Variants in AGBL4 observed in about 807,000 individuals in gnomAD.
AGBL4 encodes the protein cytosolic carboxypeptidase 6.
AGBL4 carries 58 observed loss-of-function variants against 66.4 expected under a neutral mutation model. That is an observed-to-expected ratio of 0.87 (90% confidence interval 0.71 to 1.09). AGBL4 has a LOEUF of 1.09. Among genes scored for constraint, AGBL4 ranks in the 50% least tolerant of loss-of-function variants. The pLI is 0.00. For synonymous variants in AGBL4, 234 were observed against 222.9 expected (o/e 1.05, Z -0.44); for missense variants, 579 against 631.0 (o/e 0.92, Z 0.88).
At chr1:48,546,257 AT>A (rs1485584714) in intron 11 of AGBL4, among the ~76,000 whole-genome samples, 1 of 152,230 alleles carries the variant, frequency 6.6e-6, no homozygotes, top group East Asian at 1.9e-4. Flanking sequence ...CGTGGCTTGA[AT>A]GTAACAAAGG....
intron 3 of AGBL4, among the ~76,000 whole-genome samples, chr1:49,451,699 T>C (rs1646281059): frequency 6.6e-6 from 1 of 152,048 alleles, no homozygotes. Flanking sequence ...ATTTACACAA[T>C]TGTATTCCTT....
At chr1:48,625,214 A>C (rs1645484406) in intron 9 of AGBL4, among the ~76,000 whole-genome samples, 1 of 145,410 alleles carries the variant, frequency 6.9e-6, no homozygotes, top group South Asian at 2.1e-4. Flanking sequence ...CTTGTTGTTT[A>C]GAGATGGGGT....
intron 4 of AGBL4, among the ~76,000 whole-genome samples, chr1:49,055,581 A>G (rs1399965134): frequency 1.3e-5 from 2 of 152,124 alleles, no homozygotes; most frequent in African/African-American, 4.8e-5. Flanking sequence ...CAATGTCATC[A>G]AGAACTAAAA....
chr1:49,957,973 G>A (rs1368344997), intron 1 of AGBL4, among the ~76,000 whole-genome samples: 1 of 152,070 alleles, frequency 6.6e-6, no homozygotes, highest in Non-Finnish European at 1.5e-5. Context: ...TTTACAATTT[G>A]GCATGTTTTT....
chr1:48,575,380 C>T (rs566818719), intron 11 of AGBL4, among the ~76,000 whole-genome samples: 5 of 152,266 alleles, frequency 3.3e-5, no homozygotes, highest in South Asian at 2.1e-4. Context: ...GAAGGGCAGG[C>T]GGGTGTTACT....
chr1:48,803,323 G>T (rs982343810), intron 6 of AGBL4, among the ~76,000 whole-genome samples: 1 of 152,194 alleles, frequency 6.6e-6, no homozygotes, highest in African/African-American at 2.4e-5. Context: ...CCTTGGGAAA[G>T]GCCAGGTAAA....
intron 2 of AGBL4, among the ~76,000 whole-genome samples, chr1:49,708,065 G>A (rs1200500904): frequency 6.6e-6 from 1 of 152,068 alleles, no homozygotes; most frequent in Admixed American, 6.6e-5. Flanking sequence ...TCTTTGTGGT[G>A]TTCTCTGTAT....
At chr1:48,742,761 A>C in intron 6 of AGBL4, 1 of 1,600,644 alleles carries the variant, frequency 6.2e-7, no homozygotes, top group East Asian at 2.3e-5. Flanking sequence ...TTTCCAGATC[A>C]ATGGCGGGAC....
chr1:49,243,926 T>A (rs1390749623), intron 4 of AGBL4, among the ~76,000 whole-genome samples: 1 of 151,862 alleles, frequency 6.6e-6, no homozygotes, highest in East Asian at 1.9e-4. Flanking sequence ...AATGACTGGA[T>A]AACGGCTGCT....
At chr1:49,871,993 C>T (rs1439994726) in intron 1 of AGBL4, among the ~76,000 whole-genome samples, 1 of 152,026 alleles carries the variant, frequency 6.6e-6, no homozygotes, top group Non-Finnish European at 1.5e-5. Context: ...GAAAAACTTC[C>T]AGGATTCTCA....
chr1:49,867,470 C>T (rs998445923), intron 1 of AGBL4, among the ~76,000 whole-genome samples: 1 of 149,522 alleles, frequency 6.7e-6, no homozygotes, highest in African/African-American at 2.5e-5. Flanking sequence ...GGTATATCTC[C>T]CAATGCTATC....
At chr1:48,845,618 T>A (rs558743306) in intron 6 of AGBL4, among the ~76,000 whole-genome samples, 1 of 152,214 alleles carries the variant, frequency 6.6e-6, no homozygotes, top group Non-Finnish European at 1.5e-5. Flanking sequence ...AGCTGAAGCA[T>A]AGCTAACTTA....
rs1644516051 is a variant in AGBL4, at chr1:49,067,681, C to T, written c.378-21881G>A. On this transcript the variant is annotated intron_variant, in intron 4 of 13. Coordinates refer to ENST00000371839, the MANE Select transcript of AGBL4 (RefSeq NM_032785.4). ...TCCCTTTTATTTTCTTCACAGCACT[C>T]ATCACCATTTGAAATTGTTTCTCTC... Among the ~76,000 whole-genome samples, 3 of 152,238 alleles carry T rather than the reference C, an allele frequency of 2.0e-5. No homozygotes were observed. The South Asian group carries it at 6.2e-4, about 32-fold the overall frequency.
chr1:49,532,742 A>G (rs1346476019), intron 3 of AGBL4, among the ~76,000 whole-genome samples: 3 of 152,220 alleles, frequency 2.0e-5, no homozygotes, highest in Non-Finnish European at 4.4e-5. Context: ...GTAGATTACC[A>G]TTATTTAGCT....
Position 48,641,007 on chromosome 1 carries a change from T to C in AGBL4, c.840-6403A>G, listed in dbSNP as rs77970729. On this transcript the variant is annotated intron_variant, in intron 8 of 13. Coordinates refer to ENST00000371839, the MANE Select transcript of AGBL4 (RefSeq NM_032785.4). ...GCAGCTTGGCGGCTCCAGATCAATC[T>C]TGCCCTGAGCACCGTGAGGCTGCTC... 9.8e-3 allele frequency among the ~76,000 whole-genome samples: 1,493 copies of C among 152,212 alleles called. 24 individuals are homozygous for C. Among genetic ancestry groups the C allele is most frequent in the African/African-American group, 0.033 (1,383 of 41,534 alleles).
intron 3 of AGBL4, among the ~76,000 whole-genome samples, chr1:49,506,352 A>G (rs1198599365): frequency 2.6e-5 from 4 of 152,192 alleles, no homozygotes; most frequent in African/African-American, 9.6e-5. Context: ...ATACATGTTG[A>G]TATGGTTTGG....
At chr1:49,649,586 T>C (rs1423643715) in intron 3 of AGBL4, among the ~76,000 whole-genome samples, 4 of 152,146 alleles carry the variant, frequency 2.6e-5, no homozygotes, top group Admixed American at 6.6e-5. Flanking sequence ...AATACGGATA[T>C]AGTTTTTAGC....
At chr1:48,841,691 G>T (rs886238876) in intron 6 of AGBL4, among the ~76,000 whole-genome samples, 1 of 151,952 alleles carries the variant, frequency 6.6e-6, no homozygotes. Flanking sequence ...CATGAGATTT[G>T]AACTACTACA....
chr1:49,701,230 T>C (rs1052064053), intron 2 of AGBL4, among the ~76,000 whole-genome samples: 1 of 151,636 alleles, frequency 6.6e-6, no homozygotes, highest in Non-Finnish European at 1.5e-5. Context: ...AGGTGGAGGA[T>C]GTAGTAAGCC....
Sources: allele counts gnomAD v4.1 joint callset (sites outside exome capture counted in the v4.1 genomes callset), GRCh38; gene constraint gnomAD v4.1.1; transcripts MANE v1.5; gene names NCBI Gene and HGNC (gene_info 2026-07-23, HGNC 2026-07-21).